The following MARCHF1 variants were observed in gnomAD, a reference collection of about 807,000 sequenced individuals.
MARCHF1 encodes the protein membrane associated ring-CH-type finger 1, also known as E3 ubiquitin-protein ligase MARCHF1.
In MARCHF1, 40 loss-of-function variants were observed where a neutral mutation model predicts 54.2. The observed-to-expected ratio is 0.74, with a 90% CI of 0.57 to 0.96. MARCHF1 has a LOEUF of 0.96. Among genes scored for constraint, MARCHF1 ranks in the 40% least tolerant of loss-of-function variants. The pLI, the probability that MARCHF1 is intolerant of heterozygous loss-of-function variation, is 0.00. For missense variants in MARCHF1, 586 were observed against 656.5 expected, an observed-to-expected ratio of 0.89 and a Z score of 1.17; for synonymous variants, 236 against 236.3, an observed-to-expected ratio of 1.00 and a Z score of 0.01.
chr4:163,942,887 C>A (rs1041699033), intron 3 of MARCHF1, among the ~76,000 whole-genome samples: 1 of 151,966 alleles, frequency 6.6e-6, no homozygotes, highest in Admixed American at 6.6e-5. Context: ...CAACCAATAT[C>A]CCCCTTCAAT....
chr4:163,981,884 T>C (rs1313995234), intron 3 of MARCHF1, among the ~76,000 whole-genome samples: 1 of 152,202 alleles, frequency 6.6e-6, no homozygotes, highest in African/African-American at 2.4e-5. Flanking sequence ...TAAAAATTCA[T>C]AGTACAAAAA....
At chr4:164,220,657 AAT>A (rs1414368340) in intron 1 of MARCHF1, among the ~76,000 whole-genome samples, 1 of 141,760 alleles carries the variant, frequency 7.1e-6, no homozygotes, top group Non-Finnish European at 1.5e-5. Flanking sequence ...GCATATATGT[AAT>A]ATATATGCTA....
chr4:164,226,055 C>T (rs1239655772), intron 1 of MARCHF1, among the ~76,000 whole-genome samples: 2 of 151,980 alleles, frequency 1.3e-5, no homozygotes, highest in African/African-American at 4.8e-5. Flanking sequence ...CTCGCCTTCA[C>T]CATTTATGAT....
intron 1 of MARCHF1, among the ~76,000 whole-genome samples, chr4:164,170,624 A>G (rs1730500289): frequency 1.3e-5 from 2 of 152,156 alleles, no homozygotes; most frequent in Admixed American, 1.3e-4. Context: ...GGGTTGCCCA[A>G]TAAATTCTTG....
At chr4:163,832,161 A>G (rs1418282552) in intron 4 of MARCHF1, among the ~76,000 whole-genome samples, 3 of 152,260 alleles carry the variant, frequency 2.0e-5, no homozygotes, top group Non-Finnish European at 4.4e-5. Flanking sequence ...TTGGAGGTAC[A>G]TGACAAAAGG....
At chr4:163,733,258 T>TATATACACATGTATATATACACACAC (rs1554008879) in intron 4 of MARCHF1, among the ~76,000 whole-genome samples, 12 of 45,066 alleles carry the variant, frequency 2.7e-4, no homozygotes, top group African/African-American at 7.9e-4. Context: ...TATATATATA[T>TATATACACATGTATATATACACACAC]ACACACACAC....
At chr4:163,556,100 A>ATT (rs33943246) in intron 8 of MARCHF1, 94 of 352,950 alleles carry the variant, frequency 2.7e-4, no homozygotes, top group South Asian at 4.0e-4. Flanking sequence ...ACATTATTAG[A>ATT]TTTTTTTTCG....
chr4:164,167,961 A>C (rs1213439025), intron 1 of MARCHF1, among the ~76,000 whole-genome samples: 1 of 152,002 alleles, frequency 6.6e-6, no homozygotes. Flanking sequence ...AGCAAAGGAA[A>C]TACTCAAAAA....
rs112880731 is a variant in MARCHF1, at chr4:163,587,062, T to C, written c.1011-1133A>G. Among the ~76,000 whole-genome samples the C allele has an allele frequency of 4.1e-4, 62 of 152,344 alleles. 1 individual carries two copies. Among genetic ancestry groups the C allele is most frequent in the African/African-American group, 1.4e-3 (60 of 41,576 alleles). ...AAATGCTAATAAATACATCTACCAA[T>C]GAATTGAGTTGAATTTGTTTCTGAA... On this transcript the variant is annotated intron_variant, in intron 7 of 9. Transcript: ENST00000514618.
chr4:163,863,461 G>A (rs1749984659), intron 3 of MARCHF1, among the ~76,000 whole-genome samples: 1 of 152,050 alleles, frequency 6.6e-6, no homozygotes, highest in Admixed American at 6.6e-5. Flanking sequence ...GTAGAAGATC[G>A]GGTTTTTAAT....
chr4:164,220,457 C>A (rs907458985), intron 1 of MARCHF1, among the ~76,000 whole-genome samples: 1 of 144,156 alleles, frequency 6.9e-6, no homozygotes, highest in African/African-American at 2.5e-5. Context: ...CCATTAATTC[C>A]TATATATAGG....
intron 3 of MARCHF1, among the ~76,000 whole-genome samples, chr4:163,860,880 C>T (rs1749912387): frequency 6.6e-6 from 1 of 152,124 alleles, no homozygotes; most frequent in South Asian, 2.1e-4. Flanking sequence ...ACCTCAGTTT[C>T]TACTGCCTGA....
At chr4:163,750,159 C>A (rs1475298566) in intron 4 of MARCHF1, among the ~76,000 whole-genome samples, 1 of 152,070 alleles carries the variant, frequency 6.6e-6, no homozygotes, top group African/African-American at 2.4e-5. Flanking sequence ...GCCTATTCTG[C>A]TCCCTAGGAA....
intron 4 of MARCHF1, among the ~76,000 whole-genome samples, chr4:163,820,388 T>C (rs1333897400): frequency 6.6e-6 from 1 of 152,090 alleles, no homozygotes; most frequent in Non-Finnish European, 1.5e-5. Flanking sequence ...CCTTCACTAC[T>C]TGGCCATTCA....
At chr4:163,753,065 C>A (rs576117364) in intron 4 of MARCHF1, among the ~76,000 whole-genome samples, 14 of 152,216 alleles carry the variant, frequency 9.2e-5, no homozygotes, top group Admixed American at 5.2e-4. Context: ...GGATATTCTT[C>A]TGCATCTACT....
chr4:164,332,682 C>T (rs1258705743), intron 1 of MARCHF1, among the ~76,000 whole-genome samples: 1 of 152,168 alleles, frequency 6.6e-6, no homozygotes, highest in Non-Finnish European at 1.5e-5. Context: ...GCACCTAGAA[C>T]TCAATGCAAC....
intron 4 of MARCHF1, among the ~76,000 whole-genome samples, chr4:163,748,112 A>G (rs1358421091): frequency 1.3e-5 from 2 of 152,210 alleles, no homozygotes; most frequent in Non-Finnish European, 2.9e-5. Context: ...TGTTAAGGAT[A>G]CATTCCCCCA....
At chr4:163,647,225 A>G (rs929324801) in intron 5 of MARCHF1, among the ~76,000 whole-genome samples, 1 of 152,122 alleles carries the variant, frequency 6.6e-6, no homozygotes, top group Non-Finnish European at 1.5e-5. Context: ...TTGTAAATGT[A>G]TAATATATGC....
chr4:163,807,288 T>C (rs550457617), intron 4 of MARCHF1, among the ~76,000 whole-genome samples: 105 of 152,350 alleles, frequency 6.9e-4, no homozygotes, highest in Non-Finnish European at 1.3e-3. Context: ...AAATGAATTA[T>C]AACCTTTAGT....
Sources: allele counts gnomAD v4.1 joint callset (sites outside exome capture counted in the v4.1 genomes callset), GRCh38; gene constraint gnomAD v4.1.1; transcripts MANE v1.5; gene names NCBI Gene and HGNC (gene_info 2026-07-23, HGNC 2026-07-21).